The following GHR variants were observed in gnomAD, a reference collection of about 807,000 sequenced individuals.
GHR encodes the protein growth hormone receptor.
A neutral mutation model predicts 67.1 loss-of-function variants in GHR; 35 were observed. That is an observed-to-expected ratio of 0.52 (90% CI 0.40 to 0.69). GHR has a LOEUF of 0.69. Ranked by LOEUF, GHR falls within the 30% of genes least tolerant of loss-of-function variation. The pLI is 0.00. For synonymous variants in GHR, 272 were observed against 269.1 expected (o/e 1.01, Z -0.10); for missense variants, 792 against 764.6 (o/e 1.04, Z -0.42).
At chr5:42,557,854 A>AT (rs762084841) in intron 1 of GHR, among the ~76,000 whole-genome samples, 20 of 152,240 alleles carry the variant, frequency 1.3e-4, no homozygotes, top group Admixed American at 1.2e-3. Context: ...TGTCTCTTAC[A>AT]TTTTTTATCA....
intron 1 of GHR, among the ~76,000 whole-genome samples, chr5:42,489,976 A>G (rs1332026658): frequency 2.6e-5 from 4 of 152,232 alleles, no homozygotes; most frequent in Admixed American, 2.0e-4. Context: ...AGTAGATTCT[A>G]AAAGAAAATA....
At chr5:42,427,462 T>A (rs1382608589) in intron 1 of GHR, among the ~76,000 whole-genome samples, 3 of 152,220 alleles carry the variant, frequency 2.0e-5, no homozygotes, top group African/African-American at 7.2e-5. Flanking sequence ...ACTTCCATGA[T>A]TTAATCAACT....
intron 3 of GHR, among the ~76,000 whole-genome samples, chr5:42,649,217 C>T (rs1281668528): frequency 6.6e-6 from 1 of 152,118 alleles, no homozygotes; most frequent in East Asian, 1.9e-4. Context: ...AAAATTCCCA[C>T]AAAGTTTGAT....
At chr5:42,608,084 AG>A (rs1335207847) in intron 2 of GHR, among the ~76,000 whole-genome samples, 2 of 152,242 alleles carry the variant, frequency 1.3e-5, no homozygotes, top group African/African-American at 4.8e-5. Flanking sequence ...TGTGAGCATG[AG>A]CAAATCACTT....
At chr5:42,556,883 G>T (rs774516871) in intron 1 of GHR, among the ~76,000 whole-genome samples, 2 of 152,168 alleles carry the variant, frequency 1.3e-5, no homozygotes, top group Non-Finnish European at 2.9e-5. Context: ...CAAGCATTTG[G>T]CTACTGACAT....
chr5:42,630,546 C>T (rs1049105681), intron 3 of GHR, among the ~76,000 whole-genome samples: 1 of 131,836 alleles, frequency 7.6e-6, no homozygotes, highest in Non-Finnish European at 1.6e-5. Context: ...TAACAACTGT[C>T]ATTCAATTGT....
intron 1 of GHR, among the ~76,000 whole-genome samples, chr5:42,450,670 T>C (rs1198951151): frequency 6.6e-6 from 1 of 152,126 alleles, no homozygotes; most frequent in African/African-American, 2.4e-5. Flanking sequence ...TTTCTTCTGC[T>C]TTGTTTGGGT....
intron 1 of GHR, among the ~76,000 whole-genome samples, chr5:42,537,941 T>A (rs1274852023): frequency 6.6e-6 from 1 of 152,200 alleles, no homozygotes; most frequent in Non-Finnish European, 1.5e-5. Flanking sequence ...CTGCTGTTGC[T>A]TCAAAGTTTG....
At chr5:42,571,345 T>C (rs1480025594) in intron 2 of GHR, among the ~76,000 whole-genome samples, 1 of 152,214 alleles carries the variant, frequency 6.6e-6, no homozygotes, top group Non-Finnish European at 1.5e-5. Flanking sequence ...CAGGCTACTA[T>C]GCAGTGAGGG....
intron 3 of GHR, among the ~76,000 whole-genome samples, chr5:42,634,569 C>T (rs538905935): frequency 6.6e-6 from 1 of 150,998 alleles, no homozygotes; most frequent in South Asian, 2.1e-4. Context: ...AGAAGCCAAG[C>T]CCTCCCCAGT....
At chr5:42,540,127 T>TA (rs1748437271) in intron 1 of GHR, among the ~76,000 whole-genome samples, 1 of 151,844 alleles carries the variant, frequency 6.6e-6, no homozygotes, top group Non-Finnish European at 1.5e-5. Flanking sequence ...TGCCTGATAT[T>TA]AAACTATCCT....
chr5:42,424,631 C>T lies in GHR; in HGVS notation c.-12+676C>T. 1 of 1,522,146 alleles carries T rather than the reference C, an allele frequency of 6.6e-7. No homozygotes were observed. The highest frequency in any genetic ancestry group is 1.2e-5 in the South Asian group (1 of 83,780). 94.3% of individuals were successfully genotyped at this position (1,522,146 alleles called of 1,614,324 possible). On this transcript the variant is annotated intron_variant, in intron 1 of 9. Transcript: ENST00000230882. This position sits in a 1 kb window ranked among gnomAD's most constrained non-coding sequence, Gnocchi z 4.1. Reference sequence around the variant, plus strand: ...GAAATTGTGGCGAGCCGACCTCCCCCAGCTTTTGACACACTAGTGGTTGTA... The same window carrying T: ...GAAATTGTGGCGAGCCGACCTCCCCTAGCTTTTGACACACTAGTGGTTGTA...
intron 2 of GHR, among the ~76,000 whole-genome samples, chr5:42,590,795 T>C (rs1316744196): frequency 6.6e-6 from 1 of 152,216 alleles, no homozygotes; most frequent in Non-Finnish European, 1.5e-5. Flanking sequence ...GAAACATGGT[T>C]GTGTCCCTAG....
intron 1 of GHR, among the ~76,000 whole-genome samples, chr5:42,502,608 C>G (rs539769171): frequency 6.6e-6 from 1 of 151,828 alleles, no homozygotes; most frequent in African/African-American, 2.4e-5. Context: ...TTCTCACGCT[C>G]TCTCTCATAC....
At position 42,564,680 on chromosome 5, in the gene GHR, G is replaced by T. The variant is rs552388828; in HGVS notation, c.-11-1184G>T. Among the ~76,000 whole-genome samples the T allele has an allele frequency of 2.0e-5, 3 of 152,278 alleles. No homozygotes were observed. In the South Asian group the frequency reaches 6.2e-4, roughly 32 times the overall value. ...CCCTATGTAGAATTACACAGCCATT[G>T]CCGGGGGCCACATCTGTAGGCCCAT... On this transcript the variant is annotated intron_variant, in intron 1 of 9. Transcript: ENST00000230882.
intron 3 of GHR, among the ~76,000 whole-genome samples, chr5:42,648,307 A>G (rs1754845957): frequency 6.6e-6 from 1 of 152,210 alleles, no homozygotes; most frequent in South Asian, 2.1e-4. Context: ...TGTGGGTTAC[A>G]CCAAACAGTT....
chr5:42,506,200 G>A (rs1320350935), intron 1 of GHR, among the ~76,000 whole-genome samples: 2 of 152,078 alleles, frequency 1.3e-5, no homozygotes, highest in African/African-American at 4.8e-5. Flanking sequence ...TAATATTTCT[G>A]AAATCAGAAT....
chr5:42,584,782 T>C (rs979471368), intron 2 of GHR, among the ~76,000 whole-genome samples: 7 of 131,342 alleles, frequency 5.3e-5, no homozygotes, highest in Non-Finnish European at 9.3e-5. Context: ...TTAACTAGAA[T>C]GTATACACAC....
chr5:42,560,185 T>C (rs1186182923), intron 1 of GHR, among the ~76,000 whole-genome samples: 1 of 152,184 alleles, frequency 6.6e-6, no homozygotes, highest in Non-Finnish European at 1.5e-5. Flanking sequence ...ATTCCCTGTG[T>C]GGCTTAATAA....
Sources: allele counts gnomAD v4.1 joint callset (sites outside exome capture counted in the v4.1 genomes callset), GRCh38; gene constraint gnomAD v4.1.1; non-coding constraint Gnocchi (gnomAD v3.1); transcripts MANE v1.5; gene names NCBI Gene and HGNC (gene_info 2026-07-23, HGNC 2026-07-21).